TMEM132B: variants seen among roughly 807,000 people sequenced by gnomAD.
TMEM132B encodes the protein transmembrane protein 132B.
Under a neutral mutation model 90.8 loss-of-function variants are expected in TMEM132B, and 18 were observed. That is an observed-to-expected ratio of 0.20 (90% CI 0.14 to 0.29). TMEM132B has a LOEUF of 0.29. Ranked by LOEUF, TMEM132B falls within the 10% of genes least tolerant of loss-of-function variation. The probability of loss-of-function intolerance (pLI) is 1.00; values close to 1 mark genes in which losing one functional copy is unlikely to be tolerated. For missense variants in TMEM132B, 1,096 were observed against 1,326.8 expected (o/e 0.83, Z 2.70); for synonymous variants, 504 against 523.3 (o/e 0.96, Z 0.50).
chr12:125,589,524 G>A (rs1352243367), intron 5 of TMEM132B, among the ~76,000 whole-genome samples: 1 of 148,320 alleles, frequency 6.7e-6, no homozygotes, highest in African/African-American at 2.5e-5. Flanking sequence ...CTGAGACCGG[G>A]TAACTTATAA....
chr12:125,450,993 G>A (rs1881134600), intron 3 of TMEM132B, among the ~76,000 whole-genome samples: 1 of 151,368 alleles, frequency 6.6e-6, no homozygotes, highest in Non-Finnish European at 1.5e-5. Flanking sequence ...GGGTGTGTAT[G>A]TGTGTGTGTG....
At chr12:125,626,008 G>C (rs1886223125) in intron 5 of TMEM132B, among the ~76,000 whole-genome samples, 1 of 152,006 alleles carries the variant, frequency 6.6e-6, no homozygotes, top group African/African-American at 2.4e-5. Context: ...TGCTATTTTG[G>C]TATATTTTAT....
At position 125,354,405 on chromosome 12, in the gene TMEM132B, T is replaced by A. The variant is rs554973837; in HGVS notation, c.959+4062T>A. Among the ~76,000 whole-genome samples the A allele has an allele frequency of 9.6e-4, 146 of 152,322 alleles. 1 individual carries two copies. Among genetic ancestry groups the A allele is most frequent in the African/African-American group, 3.4e-3 (141 of 41,566 alleles). On this transcript the variant is annotated intron_variant, in intron 2 of 8. Transcript: ENST00000682704. The stretch of plus-strand genomic sequence containing the variant: ...TTTTGAAGATTTAGCAAATTAGAAC[T>A]AGCTGGTTGTAGTTCACCCCCTTTA...
intron 4 of TMEM132B, among the ~76,000 whole-genome samples, chr12:125,575,083 T>TATATATA (rs61155232): frequency 3.5e-4 from 40 of 114,570 alleles, no homozygotes; most frequent in Non-Finnish European, 5.9e-4. Context: ...TATATATATA[T>TATATATA]TCAGGAGTAG....
chr12:125,500,661 A>G (rs1328107778), intron 3 of TMEM132B, among the ~76,000 whole-genome samples: 2 of 152,354 alleles, frequency 1.3e-5, no homozygotes, highest in Non-Finnish European at 2.9e-5. Context: ...TAGGACGTCA[A>G]TCTAGAAATA....
intron 2 of TMEM132B, among the ~76,000 whole-genome samples, chr12:125,353,175 TCAG>T (rs1478675461): frequency 2.6e-5 from 4 of 151,874 alleles, no homozygotes; most frequent in African/African-American, 7.3e-5. Flanking sequence ...CTGCAGCACT[TCAG>T]CACTCCCTCT....
intron 1 of TMEM132B, among the ~76,000 whole-genome samples, chr12:125,272,997 CTATT>C (rs2136121438): frequency 6.6e-6 from 1 of 152,314 alleles, no homozygotes; most frequent in East Asian, 1.9e-4. Flanking sequence ...ACAAACATCT[CTATT>C]TATATTTGTC....
intron 1 of TMEM132B, among the ~76,000 whole-genome samples, chr12:125,306,741 A>T (rs1226652479): frequency 6.6e-6 from 1 of 152,202 alleles, no homozygotes; most frequent in African/African-American, 2.4e-5. Context: ...TTCCCACAAC[A>T]ACCAAAGCAG....
At chr12:125,557,711 A>T (rs1410220468) in intron 4 of TMEM132B, among the ~76,000 whole-genome samples, 1 of 152,158 alleles carries the variant, frequency 6.6e-6, no homozygotes, top group Admixed American at 6.5e-5. Flanking sequence ...GATAAAAAAA[A>T]ATAGGTAAGT....
At chr12:125,232,788 A>G (rs1034665707) in intron 1 of TMEM132B, among the ~76,000 whole-genome samples, 1 of 152,314 alleles carries the variant, frequency 6.6e-6, no homozygotes, top group South Asian at 2.1e-4. Context: ...TGAAATGGCT[A>G]TGTTGTTCTT....
intron 3 of TMEM132B, among the ~76,000 whole-genome samples, chr12:125,466,570 G>A (rs1881566912): frequency 1.3e-5 from 2 of 152,220 alleles, no homozygotes; most frequent in Admixed American, 1.3e-4. Flanking sequence ...TACCTCCATG[G>A]CCAGGCTGGC....
intron 1 of TMEM132B, among the ~76,000 whole-genome samples, chr12:125,208,921 C>T (rs1055695901): frequency 6.6e-6 from 1 of 152,186 alleles, no homozygotes; most frequent in Admixed American, 6.5e-5. Context: ...CAGGCACCCT[C>T]CTAGGTGCAG....
rs932241375 is a variant in TMEM132B at position 125,277,146 on chromosome 12, A to C, written c.68-72306A>C. On this transcript the variant is annotated intron_variant, in intron 1 of 8. Coordinates refer to ENST00000682704, the MANE Select transcript of TMEM132B (RefSeq NM_001366854.1). The surrounding 1 kb of genome is among the most constrained non-coding windows in gnomAD (Gnocchi z 4.3). The stretch of plus-strand genomic sequence containing the variant: ...GTGGTCAAGTTAAGATGTGGTCATT[A>C]GGGTGGGCCCTAATCCCATATGACT... Among the ~76,000 whole-genome samples the C allele has an allele frequency of 1.3e-5, 2 of 151,362 alleles. No individual in the cohort carries two copies. Among genetic ancestry groups the C allele is most frequent in the East Asian group, 3.9e-4 (2 of 5,114 alleles).
chr12:125,417,867 G>A (rs1880060472), intron 3 of TMEM132B, among the ~76,000 whole-genome samples: 1 of 152,220 alleles, frequency 6.6e-6, no homozygotes, highest in Non-Finnish European at 1.5e-5. Context: ...CTTAGATTGT[G>A]CACCCACCCT....
Position 125,494,741 on chromosome 12 carries a change from C to T in TMEM132B, c.1107-24698C>T, listed in dbSNP as rs534151503. Among the ~76,000 whole-genome samples, 80 of 112,026 alleles carry T rather than the reference C, an allele frequency of 7.1e-4. 1 individual carries two copies. Among genetic ancestry groups the T allele is most frequent in the African/African-American group, 2.6e-3 (75 of 28,624 alleles). 73.5% of individuals were successfully genotyped at this position (112,026 alleles called of 152,430 possible). On this transcript the variant is annotated intron_variant, in intron 3 of 8. Coordinates refer to ENST00000682704, the MANE Select transcript of TMEM132B (RefSeq NM_001366854.1). ...CCCTCCTCCCTGGAAATGGATGCGT[C>T]CCCTCCTCTCCCTCCTCCCTGGAAA...
chr12:125,517,705 A>C (rs1473999925), intron 3 of TMEM132B, among the ~76,000 whole-genome samples: 1 of 152,170 alleles, frequency 6.6e-6, no homozygotes, highest in African/African-American at 2.4e-5. Flanking sequence ...AAGTGAGTAC[A>C]CACCCATTCC....
At chr12:125,324,789 A>G (rs887388513) in intron 1 of TMEM132B, among the ~76,000 whole-genome samples, 1 of 152,122 alleles carries the variant, frequency 6.6e-6, no homozygotes, top group African/African-American at 2.4e-5. Context: ...AAGGTTGGGG[A>G]CCACTGCCCT....
At chr12:125,245,130 CA>C (rs1874177289) in intron 1 of TMEM132B, among the ~76,000 whole-genome samples, 1 of 152,230 alleles carries the variant, frequency 6.6e-6, no homozygotes, top group Non-Finnish European at 1.5e-5. Flanking sequence ...AAGGCAACAA[CA>C]AAAGTACTTT....
chr12:125,216,979 C>T (rs556303345), intron 1 of TMEM132B, among the ~76,000 whole-genome samples: 7 of 152,374 alleles, frequency 4.6e-5, no homozygotes, highest in African/African-American at 9.6e-5. Context: ...CTGAGCCACT[C>T]GGCCGCGCAG....
Sources: gnomAD v4.1 joint callset for allele counts (sites outside exome capture counted in the v4.1 genomes callset) on GRCh38, gnomAD v4.1.1 for gene constraint, Gnocchi (gnomAD v3.1) non-coding constraint, MANE v1.5 for transcripts, NCBI Gene and HGNC (gene_info 2026-07-23, HGNC 2026-07-21) for gene names.